Variants in PYGO1 observed in about 807,000 individuals in gnomAD.
The protein encoded by PYGO1 is pygopus homolog 1.
In PYGO1, 6 loss-of-function variants were observed where a neutral mutation model predicts 29.5. The observed-to-expected ratio is 0.20, with a 90% CI of 0.11 to 0.40. The LOEUF is 0.40. PYGO1 is among the 10% of genes least tolerant of loss of function. PYGO1 has a pLI of 1.00. For synonymous variants in PYGO1, 186 were observed against 180.5 expected (o/e 1.03, Z -0.24); for missense variants, 515 against 514.9 (o/e 1.00, Z 0.00).
Position 55,539,256 on chromosome 15 carries a change from A to G in PYGO1, c.*6767T>C, listed in dbSNP as rs189540870. On this transcript the variant is annotated 3_prime_UTR_variant, in exon 3 of 3. Coordinates refer to ENST00000563719, the MANE Select transcript of PYGO1 (RefSeq NM_001367806.1). Reference sequence around the variant, plus strand: ...AGACGCAAATTGTGTTAAATATCTCAAAAAGAAAAAGGAGAATTGGCTTAC... The same window carrying G: ...AGACGCAAATTGTGTTAAATATCTCGAAAAGAAAAAGGAGAATTGGCTTAC... 1 of 152,314 alleles carries G rather than the reference A, an allele frequency of 6.6e-6. No homozygotes were observed. The highest frequency in any genetic ancestry group is 6.5e-5 in the Admixed American group (1 of 15,302). 9.4% of individuals were successfully genotyped at this position (152,314 alleles called of 1,614,324 possible).
chr15:55,572,287 C>A (rs2058983345), intron 1 of PYGO1, among the ~76,000 whole-genome samples: 1 of 152,086 alleles, frequency 6.6e-6, no homozygotes, highest in Admixed American at 6.6e-5. Flanking sequence ...ACCAAGAGTA[C>A]AAAATGGAGA....
chr15:55,548,677 T>C (rs1277185904), intron 2 of PYGO1, among the ~76,000 whole-genome samples: 3 of 112,188 alleles, frequency 2.7e-5, no homozygotes, highest in Non-Finnish European at 5.0e-5. Context: ...CTGCACTCAC[T>C]CCAGTCTGGC....
chr15:55,568,520 G>T (rs1005195776), intron 1 of PYGO1, among the ~76,000 whole-genome samples: 7 of 152,066 alleles, frequency 4.6e-5, no homozygotes, highest in Non-Finnish European at 7.4e-5. Context: ...TTAGGGTGTT[G>T]TAAGTATAGA....
At chr15:55,550,524 A>AC (rs1336270708) in intron 1 of PYGO1, among the ~76,000 whole-genome samples, 1 of 152,116 alleles carries the variant, frequency 6.6e-6, no homozygotes, top group Admixed American at 6.6e-5. Flanking sequence ...GCTGGGCAGC[A>AC]CCTCAATCTC....
chr15:55,554,568 A>C lies in PYGO1; in HGVS notation c.50-5573T>G, dbSNP rs568860464. On this transcript the variant is annotated intron_variant, in intron 1 of 2. Coordinates refer to ENST00000563719, the MANE Select transcript of PYGO1 (RefSeq NM_001367806.1). ...GGCGCCAGAAGGTCAGTAATAATCA[A>C]TTTCACTGAGTTAAAGGAGCATGCT... 9.0e-4 allele frequency among the ~76,000 whole-genome samples: 137 copies of C among 152,210 alleles called. 1 individual carries two copies. In the South Asian group the frequency reaches 0.028, roughly 31 times the overall value.
chr15:55,550,203 C>G (rs2058872596), intron 1 of PYGO1, among the ~76,000 whole-genome samples: 1 of 152,020 alleles, frequency 6.6e-6, no homozygotes, highest in Non-Finnish European at 1.5e-5. Context: ...CCTGTTTTTT[C>G]CTTGCAAAGT....
chr15:55,578,791 G>A (rs879389675), intron 1 of PYGO1, among the ~76,000 whole-genome samples: 11 of 152,012 alleles, frequency 7.2e-5, no homozygotes, highest in African/African-American at 1.9e-4. Context: ...TCCATCGTGC[G>A]GGTTGTCTAT....
At chr15:55,550,828 CATGTTCCTT>C (rs375337642) in intron 1 of PYGO1, among the ~76,000 whole-genome samples, 295 of 152,252 alleles carry the variant, frequency 1.9e-3, no homozygotes, top group African/African-American at 6.4e-3. Flanking sequence ...ACATGTTTAA[CATGTTCCTT>C]ATTTCCTATA....
rs2058831711 is a variant in PYGO1, at chr15:55,542,442, C to T, written c.*3581G>A. On this transcript the variant is annotated 3_prime_UTR_variant, in exon 3 of 3. Coordinates refer to ENST00000563719, the MANE Select transcript of PYGO1 (RefSeq NM_001367806.1). Reference sequence around the variant, plus strand: ...TTTGAATAACAATTATAGCAGTACTCTAAAGTATTTCACACAAAAGGAAAA... The same window carrying T: ...TTTGAATAACAATTATAGCAGTACTTTAAAGTATTTCACACAAAAGGAAAA... 1 of 152,152 alleles carries T rather than the reference C, an allele frequency of 6.6e-6. No individual in the cohort carries two copies. Among genetic ancestry groups the T allele is most frequent in the African/African-American group, 2.4e-5 (1 of 41,428 alleles). 9.4% of individuals were successfully genotyped at this position (152,152 alleles called of 1,614,324 possible). A position where few individuals can be genotyped will look rare whatever the true frequency, so the allele number is the denominator to read the frequency against.
intron 1 of PYGO1, among the ~76,000 whole-genome samples, chr15:55,584,261 G>A (rs1382238815): frequency 1.3e-5 from 2 of 151,900 alleles, no homozygotes; most frequent in African/African-American, 4.8e-5. Context: ...AAGACCACAG[G>A]CACATGCCAC....
At chr15:55,566,002 C>A (rs12904076) in intron 1 of PYGO1, among the ~76,000 whole-genome samples, 1 of 152,184 alleles carries the variant, frequency 6.6e-6, no homozygotes, top group African/African-American at 2.4e-5. Flanking sequence ...AAGTTGGTCT[C>A]GAACTCCTGA....
chr15:55,549,078 C>T (rs112256668), intron 1 of PYGO1, 83 bp from the exon 2 acceptor site: 1 of 1,023,944 alleles, frequency 9.8e-7, no homozygotes. Context: ...ATTATATTTA[C>T]CTGTTAATGT....
chr15:55,577,593 TG>T (rs1193798272), intron 1 of PYGO1, among the ~76,000 whole-genome samples: 1 of 1,936 alleles, frequency 5.2e-4, no homozygotes, highest in East Asian at 0.011. Flanking sequence ...ACTAGGTTTT[TG>T]TTTTTAAAAC....
chr15:55,580,802 A>G (rs1337252113), intron 1 of PYGO1, among the ~76,000 whole-genome samples: 2 of 152,230 alleles, frequency 1.3e-5, no homozygotes, highest in African/African-American at 4.8e-5. Context: ...TTGATGTTAA[A>G]GATGACTTAG....
At chr15:55,568,791 T>C (rs1326005965) in intron 1 of PYGO1, among the ~76,000 whole-genome samples, 1 of 152,184 alleles carries the variant, frequency 6.6e-6, no homozygotes, top group African/African-American at 2.4e-5. Flanking sequence ...TGAGGGTTTT[T>C]ATCGTGATAG....
At chr15:55,569,715 A>G (rs919399213) in intron 1 of PYGO1, among the ~76,000 whole-genome samples, 3 of 152,174 alleles carry the variant, frequency 2.0e-5, no homozygotes, top group Admixed American at 2.0e-4. Flanking sequence ...ACAGCCAAGC[A>G]TGTGGTCAAT....
At chr15:55,566,685 C>T (rs1156890827) in intron 1 of PYGO1, among the ~76,000 whole-genome samples, 1 of 152,170 alleles carries the variant, frequency 6.6e-6, no homozygotes, top group African/African-American at 2.4e-5. Flanking sequence ...TATATTCTCA[C>T]CAACAGTCTA....
At chr15:55,556,254 G>A (rs746950852) in intron 1 of PYGO1, among the ~76,000 whole-genome samples, 11 of 152,270 alleles carry the variant, frequency 7.2e-5, no homozygotes, top group South Asian at 2.1e-4. Context: ...ACAATCGGAA[G>A]TAAAACACTC....
intron 1 of PYGO1, among the ~76,000 whole-genome samples, chr15:55,575,700 C>T (rs141336363): frequency 3.9e-5 from 6 of 152,240 alleles, no homozygotes; most frequent in East Asian, 3.9e-4. Flanking sequence ...ATAGCAGTTG[C>T]GGTAAATCTA....
Sources: gnomAD v4.1 joint callset for allele counts (sites outside exome capture counted in the v4.1 genomes callset) on GRCh38, gnomAD v4.1.1 for gene constraint, MANE v1.5 for transcripts, NCBI Gene and HGNC (gene_info 2026-07-23, HGNC 2026-07-21) for gene names.